Variants in SEPTIN7 observed in about 807,000 individuals in gnomAD.
SEPTIN7 encodes septin 7, also known as septin-7.
In SEPTIN7, 10 loss-of-function variants were observed where a neutral mutation model predicts 63.3. The observed-to-expected ratio is 0.16, with a 90% CI of 0.10 to 0.27. The LOEUF (loss-of-function observed/expected upper bound fraction) is 0.27. Among genes scored for constraint, SEPTIN7 ranks in the 10% least tolerant of loss-of-function variants. The probability of loss-of-function intolerance (pLI) is 1.00; values close to 1 mark genes in which losing one functional copy is unlikely to be tolerated. For synonymous variants in SEPTIN7, 131 were observed against 165.3 expected, an observed-to-expected ratio of 0.79 and a Z score of 1.59; for missense variants, 310 against 521.0, an observed-to-expected ratio of 0.59 and a Z score of 3.94.
intron 1 of SEPTIN7, among the ~76,000 whole-genome samples, chr7:35,823,297 G>A (rs1370147937): frequency 2.6e-5 from 4 of 152,076 alleles, no homozygotes; most frequent in African/African-American, 4.8e-5. Flanking sequence ...CACCTCCCAG[G>A]TTCAAGGGAT....
At chr7:35,859,127 A>G (rs1417391965) in intron 3 of SEPTIN7, among the ~76,000 whole-genome samples, 4 of 152,070 alleles carry the variant, frequency 2.6e-5, no homozygotes, top group South Asian at 2.1e-4. Context: ...TCATTTTTAT[A>G]TAAGTGTTTA....
intron 1 of SEPTIN7, among the ~76,000 whole-genome samples, chr7:35,808,250 G>A (rs769413916): frequency 6.6e-6 from 1 of 152,004 alleles, no homozygotes; most frequent in Non-Finnish European, 1.5e-5. Flanking sequence ...CCTAGTCCTC[G>A]GCATCCTGTG....
Position 35,873,696 on chromosome 7 carries a change from G to C in SEPTIN7, c.433G>C (p.Glu145Gln). 6.2e-7 allele frequency: 1 copy of C among 1,610,900 alleles called. No individual in the cohort carries two copies. The highest frequency in any genetic ancestry group is 8.5e-7 in the Non-Finnish European group (1 of 1,179,190). ...TAAATTTGAGGACTACCTAAATGCA[G>C]AATCACGAGTGAACAGACGTCAGAT... ...DSKFEDYLNA[E>Q]SRVNRRQMPD... Residue 145 changes from glutamate (E) to glutamine (Q), a missense_variant, in exon 6 of 14, where the codon GAA becomes CAA. This residue lies in a region of SEPTIN7 where 255 missense variants were observed against 490.5 expected (regional missense o/e 0.52). Coordinates refer to ENST00000350320, the MANE Select transcript of SEPTIN7 (RefSeq NM_001788.6).
chr7:35,828,875 C>T (rs372117087), intron 1 of SEPTIN7, among the ~76,000 whole-genome samples: 9 of 152,220 alleles, frequency 5.9e-5, no homozygotes, highest in East Asian at 5.8e-4. Flanking sequence ...ATCCTCTCGC[C>T]TTGGCCTCCC....
chr7:35,830,680 T>C (rs1168986289), intron 1 of SEPTIN7, among the ~76,000 whole-genome samples: 2 of 152,226 alleles, frequency 1.3e-5, no homozygotes, highest in African/African-American at 4.8e-5. Flanking sequence ...TTACCTTAAC[T>C]ATAAAACGGA....
chr7:35,866,756 C>T (rs575311157), intron 4 of SEPTIN7, among the ~76,000 whole-genome samples: 1 of 152,232 alleles, frequency 6.6e-6, no homozygotes, highest in Admixed American at 6.5e-5. Context: ...AATTCTTAAC[C>T]TCTTATCTTG....
intron 3 of SEPTIN7, among the ~76,000 whole-genome samples, chr7:35,842,405 T>A (rs1420321318): frequency 6.6e-6 from 1 of 151,970 alleles, no homozygotes; most frequent in African/African-American, 2.4e-5. Flanking sequence ...ATCTAGGTCT[T>A]GGGGTTTTTT....
chr7:35,838,239 T>A (rs1244729323), intron 3 of SEPTIN7, among the ~76,000 whole-genome samples: 10 of 7,492 alleles, frequency 1.3e-3, no homozygotes, highest in African/African-American at 6.5e-4. Flanking sequence ...TATCCAAACT[T>A]CCTTCCTTCC....
intron 11 of SEPTIN7, 70 bp from the exon 12 acceptor site, chr7:35,898,178 C>G (rs1788069133): frequency 1.6e-6 from 2 of 1,227,870 alleles, no homozygotes; most frequent in Non-Finnish European, 2.2e-6. Flanking sequence ...TTTTCATCAG[C>G]TGTTTCATAG....
intron 1 of SEPTIN7, among the ~76,000 whole-genome samples, chr7:35,829,295 A>C (rs1459625208): frequency 6.6e-6 from 1 of 151,706 alleles, no homozygotes; most frequent in Non-Finnish European, 1.5e-5. Flanking sequence ...ACACATTGTC[A>C]GTCCCGGCTA....
Position 35,882,475 on chromosome 7 carries a change from C to G in SEPTIN7, c.631-9C>G. ...GGTGCTCTTTTGCTGACTACTTCTTCCATTTTAGATAATGAAAGAAATCCA... is the reference window on the plus strand; with the variant it reads ...GGTGCTCTTTTGCTGACTACTTCTTGCATTTTAGATAATGAAAGAAATCCA... On this transcript the variant is annotated splice_polypyrimidine_tract_variant and intron_variant, in intron 7 of 13. Transcript: ENST00000350320. 2 of 1,445,564 alleles carry G rather than the reference C, an allele frequency of 1.4e-6. No individual in the cohort carries two copies. The highest frequency in any genetic ancestry group is 1.8e-6 in the Non-Finnish European group (2 of 1,082,824). 89.5% of individuals were successfully genotyped at this position (1,445,564 alleles called of 1,614,324 possible). A position where few individuals can be genotyped will look rare whatever the true frequency, so the allele number is the denominator to read the frequency against.
intron 6 of SEPTIN7, among the ~76,000 whole-genome samples, chr7:35,875,502 T>G (rs942902191): frequency 6.6e-6 from 1 of 152,194 alleles, no homozygotes; most frequent in African/African-American, 2.4e-5. Flanking sequence ...GAGGGATTTG[T>G]TTTTAGATAA....
intron 4 of SEPTIN7, among the ~76,000 whole-genome samples, chr7:35,867,872 T>C (rs1785914099): frequency 7.0e-6 from 1 of 142,456 alleles, no homozygotes; most frequent in Non-Finnish European, 1.5e-5. Flanking sequence ...CCATGAAGTG[T>C]TTTTTTTTTT....
intron 7 of SEPTIN7, 127 bp from the exon 8 acceptor site, chr7:35,882,357 C>T: frequency 3.4e-6 from 2 of 581,176 alleles, no homozygotes; most frequent in Non-Finnish European, 5.0e-6. Flanking sequence ...AACTTTGCAT[C>T]ATTAAAAAAC....
At chr7:35,849,920 A>T (rs1328275837) in intron 3 of SEPTIN7, among the ~76,000 whole-genome samples, 1 of 152,122 alleles carries the variant, frequency 6.6e-6, no homozygotes, top group African/African-American at 2.4e-5. Flanking sequence ...CTTTATTAGG[A>T]TCCTTTCCTG....
At chr7:35,909,467 A>G (rs1788700144), downstream of SEPTIN7, among the ~76,000 whole-genome samples, 1 of 152,216 alleles carries the variant, frequency 6.6e-6, no homozygotes, top group Non-Finnish European at 1.5e-5. Context: ...TGTCCTGAAA[A>G]GGAGATAGGT....
intron 3 of SEPTIN7, among the ~76,000 whole-genome samples, chr7:35,845,263 C>A (rs1398227146): frequency 6.6e-6 from 1 of 151,468 alleles, no homozygotes; most frequent in Non-Finnish European, 1.5e-5. Context: ...CCTAGTACAT[C>A]TGTAAATTGA....
chr7:35,913,005 A>G, the SEPTIN7 span, among the ~76,000 whole-genome samples: 1 of 152,230 alleles, frequency 6.6e-6, no homozygotes, highest in African/African-American at 2.4e-5. Context: ...ACCATCAGGG[A>G]GCACTGTAGT....
intron 3 of SEPTIN7, among the ~76,000 whole-genome samples, chr7:35,850,768 A>G (rs1583562355): frequency 6.6e-6 from 1 of 152,138 alleles, no homozygotes; most frequent in Admixed American, 6.5e-5. Flanking sequence ...CTCTTGTAGC[A>G]TACTAAGATT....
Sources: gnomAD v4.1 joint callset for allele counts (sites outside exome capture counted in the v4.1 genomes callset) on GRCh38, gnomAD v4.1.1 for gene constraint, gnomAD v4.1.1 regional missense constraint, MANE v1.5 for transcripts, NCBI Gene and HGNC (gene_info 2026-07-23, HGNC 2026-07-21) for gene names.